Variants in GALNT7 observed in about 807,000 individuals in gnomAD.
GALNT7 encodes the protein N-acetylgalactosaminyltransferase 7.
A neutral mutation model predicts 82.1 loss-of-function variants in GALNT7; 60 were observed. The observed-to-expected ratio is 0.73, with a 90% CI of 0.59 to 0.91. The LOEUF is 0.91. Among genes scored for constraint, GALNT7 ranks in the 40% least tolerant of loss-of-function variants. The pLI is 0.00. For missense variants in GALNT7, 660 were observed against 804.2 expected, an observed-to-expected ratio of 0.82 and a Z score of 2.17; for synonymous variants, 243 against 275.1, an observed-to-expected ratio of 0.88 and a Z score of 1.15.
intron 2 of GALNT7, among the ~76,000 whole-genome samples, chr4:173,270,431 C>T (rs1735679867): frequency 6.6e-6 from 1 of 152,196 alleles, no homozygotes; most frequent in East Asian, 1.9e-4. Flanking sequence ...TGATGTTCTG[C>T]ATTCCAATAC....
intron 1 of GALNT7, among the ~76,000 whole-genome samples, chr4:173,179,006 C>T (rs997080746): frequency 2.6e-5 from 4 of 152,166 alleles, no homozygotes; most frequent in African/African-American, 9.7e-5. Flanking sequence ...CTACTGTCTT[C>T]AGTAGTAAAC....
At chr4:173,297,130 A>G (rs1484741015) in intron 5 of GALNT7, among the ~76,000 whole-genome samples, 1 of 152,154 alleles carries the variant, frequency 6.6e-6, no homozygotes, top group East Asian at 1.9e-4. Flanking sequence ...CATTTTCGTG[A>G]AGCCCAAATA....
intron 1 of GALNT7, among the ~76,000 whole-genome samples, chr4:173,235,328 C>T (rs1340919931): frequency 6.6e-6 from 1 of 152,194 alleles, no homozygotes; most frequent in Non-Finnish European, 1.5e-5. Flanking sequence ...CTTGATCTAG[C>T]TACTACCTAA....
At chr4:173,173,243 CTTTT>C (rs749088078) in intron 1 of GALNT7, among the ~76,000 whole-genome samples, 1 of 141,140 alleles carries the variant, frequency 7.1e-6, no homozygotes, top group East Asian at 2.0e-4. Context: ...TTATGGGAAG[CTTTT>C]TTTTTTTTAG....
chr4:173,169,832 C>T (rs1382242770), intron 1 of GALNT7, among the ~76,000 whole-genome samples: 1 of 151,928 alleles, frequency 6.6e-6, no homozygotes, highest in Non-Finnish European at 1.5e-5. Flanking sequence ...GCTGCTTGGG[C>T]CGGAAAACTA....
rs763567726 is a variant in GALNT7 at position 173,318,494 on chromosome 4, G to T, written c.1771G>T (p.Asp591Tyr). The part of the protein sequence containing the change: ...QYDQCLTKGA[D>Y]GSKVMITHCN... ...TGACCAGTGTTTGACAAAGGGAGCTGATGGATCAAAAGTTATGATTACACA... is the reference window on the plus strand; with the variant it reads ...TGACCAGTGTTTGACAAAGGGAGCTTATGGATCAAAAGTTATGATTACACA... Residue 591 changes from aspartate (D) to tyrosine (Y), a missense_variant, in exon 11 of 12, where the codon GAT becomes TAT. Physicochemically the swap from Asp to Tyr is radical, Grantham distance 160. Coordinates refer to ENST00000265000, the MANE Select transcript of GALNT7 (RefSeq NM_017423.3). 1 of 1,586,320 alleles carries T rather than the reference G, an allele frequency of 6.3e-7. No homozygotes were observed. The highest frequency in any genetic ancestry group is 1.1e-5 in the South Asian group (1 of 90,158).
At chr4:173,280,423 T>G (rs1736070718) in intron 2 of GALNT7, among the ~76,000 whole-genome samples, 1 of 152,226 alleles carries the variant, frequency 6.6e-6, no homozygotes, top group Non-Finnish European at 1.5e-5. Flanking sequence ...GAAATCTATT[T>G]TTTAAGTTAT....
At chr4:173,241,786 A>G (rs899077675) in intron 1 of GALNT7, among the ~76,000 whole-genome samples, 7 of 152,140 alleles carry the variant, frequency 4.6e-5, no homozygotes, top group African/African-American at 1.7e-4. Context: ...ACTGTATTAT[A>G]TATTTTGCTT....
At chr4:173,298,389 G>A (rs1736800187) in intron 6 of GALNT7, 92 bp downstream of exon 6, 1 of 783,084 alleles carries the variant, frequency 1.3e-6, no homozygotes, top group Admixed American at 3.2e-5. Flanking sequence ...TATTAAAACT[G>A]TAGATGTTGT....
intron 2 of GALNT7, among the ~76,000 whole-genome samples, chr4:173,289,087 G>A (rs775684195): frequency 3.9e-5 from 6 of 152,102 alleles, no homozygotes; most frequent in Non-Finnish European, 7.4e-5. Flanking sequence ...GTCGGGGACT[G>A]GAGATAATAC....
intron 9 of GALNT7, chr4:173,316,005 A>C (rs933406178): frequency 5.3e-5 from 8 of 152,028 alleles, no homozygotes; most frequent in African/African-American, 1.7e-4. Flanking sequence ...TAACTTGTTG[A>C]CTCTCCTACA....
chr4:173,261,732 T>C (rs988795384), intron 2 of GALNT7, among the ~76,000 whole-genome samples: 9 of 152,086 alleles, frequency 5.9e-5, no homozygotes, highest in African/African-American at 2.2e-4. Flanking sequence ...GGCAGCAGAA[T>C]TGCTTGAACC....
At position 173,224,741 on chromosome 4, in the gene GALNT7, G is replaced by A. The variant is rs372692258; in HGVS notation, c.127-23239G>A. Reference sequence around the variant, plus strand: ...AAAAATGCAAATATTGGCCGGGCGCGGTGGCTCACGCCTGTAATCCCAGCA... The same window carrying A: ...AAAAATGCAAATATTGGCCGGGCGCAGTGGCTCACGCCTGTAATCCCAGCA... On this transcript the variant is annotated intron_variant, in intron 1 of 11. Coordinates refer to ENST00000265000, the MANE Select transcript of GALNT7 (RefSeq NM_017423.3). Among the ~76,000 whole-genome samples, 38 of 152,096 alleles carry A rather than the reference G, an allele frequency of 2.5e-4. 1 individual carries two copies. In the South Asian group the frequency reaches 6.4e-3, roughly 26 times the overall value.
chr4:173,251,641 A>C (rs1297603743), intron 2 of GALNT7, among the ~76,000 whole-genome samples: 1 of 152,138 alleles, frequency 6.6e-6, no homozygotes, highest in East Asian at 1.9e-4. Context: ...TGCACCCCGC[A>C]GTTTCCTTCC....
chr4:173,321,539 A>G (rs748395385), intron 11 of GALNT7, 41 bp from the exon 12 acceptor site: 2 of 1,508,474 alleles, frequency 1.3e-6, no homozygotes, highest in Non-Finnish European at 1.8e-6. Flanking sequence ...AGTGATATCA[A>G]GGGTCCAAAT....
chr4:173,171,158 G>A (rs1331598037), intron 1 of GALNT7, among the ~76,000 whole-genome samples: 2 of 152,166 alleles, frequency 1.3e-5, no homozygotes, highest in Non-Finnish European at 2.9e-5. Flanking sequence ...TTAAAGTGTA[G>A]CTTATAAATA....
chr4:173,262,441 A>T lies in GALNT7; in HGVS notation c.587+14001A>T, dbSNP rs192977713. On this transcript the variant is annotated intron_variant, in intron 2 of 11. Coordinates refer to ENST00000265000, the MANE Select transcript of GALNT7 (RefSeq NM_017423.3). ...TTAAATATTGACAATTTCATTATAT[A>T]ATGATAAGAACAATACATTTGTTAA... Among the ~76,000 whole-genome samples the T allele has an allele frequency of 3.2e-4, 49 of 152,356 alleles. No homozygotes were observed. In the East Asian group the frequency reaches 9.4e-3, roughly 29 times the overall value.
At chr4:173,231,232 C>A (rs1734023383) in intron 1 of GALNT7, among the ~76,000 whole-genome samples, 1 of 152,174 alleles carries the variant, frequency 6.6e-6, no homozygotes, top group Admixed American at 6.5e-5. Context: ...ACAGGCAGAT[C>A]TCATTGTGCA....
At chr4:173,297,700 C>A in intron 5 of GALNT7, 1 of 560,826 alleles carries the variant, frequency 1.8e-6, no homozygotes, top group Non-Finnish European at 2.9e-6. Flanking sequence ...CCCTAGTGCA[C>A]AAACAAATCA....
Sources: allele counts gnomAD v4.1 joint callset (sites outside exome capture counted in the v4.1 genomes callset), GRCh38; gene constraint gnomAD v4.1.1; transcripts MANE v1.5; gene names NCBI Gene and HGNC (gene_info 2026-07-23, HGNC 2026-07-21).